Variants in EEA1 observed in about 807,000 individuals in gnomAD.
The protein encoded by EEA1 is early endosome antigen 1.
In EEA1, 111 loss-of-function variants were observed where a neutral mutation model predicts 209.2. The ratio of observed to expected loss-of-function variants is 0.53; its 90% CI spans 0.45 to 0.62. The LOEUF is 0.62. EEA1 is among the 20% of genes least tolerant of loss of function. EEA1 has a pLI of 0.00. For synonymous variants in EEA1, 536 were observed against 540.6 expected (o/e 0.99, Z 0.12); for missense variants, 1,343 against 1,530.8 (o/e 0.88, Z 2.05).
intron 13 of EEA1, among the ~76,000 whole-genome samples, chr12:92,823,499 C>A (rs184714339): frequency 2.0e-5 from 3 of 152,312 alleles, no homozygotes; most frequent in African/African-American, 7.2e-5. Flanking sequence ...CAGATTGTCA[C>A]TTTTAAAAAG....
intron 2 of EEA1, among the ~76,000 whole-genome samples, chr12:92,876,988 G>A (rs1878924623): frequency 6.7e-6 from 1 of 149,538 alleles, no homozygotes; most frequent in Non-Finnish European, 1.5e-5. Context: ...TTATCACCTA[G>A]ACTGGTGTGC....
chr12:92,848,530 T>G (rs753862430), intron 9 of EEA1, among the ~76,000 whole-genome samples: 2 of 152,024 alleles, frequency 1.3e-5, no homozygotes, highest in African/African-American at 2.4e-5. Context: ...AAATGACTTA[T>G]TCTCCTTAGA....
At chr12:92,797,028 A>G (rs914150374) in intron 21 of EEA1, among the ~76,000 whole-genome samples, 4 of 152,158 alleles carry the variant, frequency 2.6e-5, no homozygotes, top group African/African-American at 7.2e-5. Context: ...ACCTAATACA[A>G]TGTAAATGCT....
At chr12:92,925,341 A>G (rs1001420704) in intron 1 of EEA1, among the ~76,000 whole-genome samples, 1 of 152,170 alleles carries the variant, frequency 6.6e-6, no homozygotes, top group Non-Finnish European at 1.5e-5. Context: ...CAGTCTCCCA[A>G]GTAGTTGGGA....
intron 2 of EEA1, among the ~76,000 whole-genome samples, chr12:92,889,774 T>G (rs1410570298): frequency 1.3e-5 from 2 of 151,892 alleles, no homozygotes; most frequent in Non-Finnish European, 2.9e-5. Context: ...ATTAGCCAGG[T>G]GTGGTAGCAT....
chr12:92,799,357 T>G, intron 20 of EEA1, among the ~76,000 whole-genome samples: 1 of 152,240 alleles, frequency 6.6e-6, no homozygotes, highest in East Asian at 1.9e-4. Context: ...TATTATTTTT[T>G]TTAACACTAC....
chr12:92,802,268 A>C (rs1447019710), intron 19 of EEA1, 136 bp downstream of exon 19: 1 of 799,406 alleles, frequency 1.3e-6, no homozygotes, highest in Non-Finnish European at 1.8e-6. Flanking sequence ...AGCAATCCCA[A>C]TTAATTTCCT....
intron 2 of EEA1, among the ~76,000 whole-genome samples, chr12:92,866,598 T>A (rs957341962): frequency 2.0e-5 from 3 of 151,872 alleles, no homozygotes; most frequent in African/African-American, 7.3e-5. Flanking sequence ...CTCATTGACC[T>A]CCTCCTCTTC....
In EEA1 at chr12:92,907,565, C is replaced by G. The variant is rs144776245; in HGVS notation, c.25-15844G>C. ...CATCTCCTTGGCCACTACCTTAATT[C>G]ATGTTGCAATCATCTCTCACCTGGA... On this transcript the variant is annotated intron_variant, in intron 1 of 28. Transcript: ENST00000322349. 5.8e-3 allele frequency among the ~76,000 whole-genome samples: 886 copies of G among 152,262 alleles called. 7 individuals are homozygous for G. Among genetic ancestry groups the G allele is most frequent in the African/African-American group, 0.02 (836 of 41,558 alleles).
At chr12:92,910,159 A>ATGAAAT (rs2136775805) in intron 1 of EEA1, among the ~76,000 whole-genome samples, 1 of 23,298 alleles carries the variant, frequency 4.3e-5, no homozygotes, top group African/African-American at 1.2e-4. Flanking sequence ...AAATAAATTA[A>ATGAAAT]TTAAATTTTA....
At chr12:92,870,894 C>G (rs1441738790) in intron 2 of EEA1, among the ~76,000 whole-genome samples, 1 of 152,020 alleles carries the variant, frequency 6.6e-6, no homozygotes, top group Admixed American at 6.6e-5. Context: ...CCAGGCTGGT[C>G]TCAAACTCCT....
intron 2 of EEA1, chr12:92,884,748 C>CA: frequency 7.7e-7 from 1 of 1,303,420 alleles, no homozygotes; most frequent in Non-Finnish European, 1.1e-6. Context: ...AGAGAAGTGA[C>CA]AGGGAAGCTA....
chr12:92,853,979 C>T (rs761498520), intron 5 of EEA1, 25 bp from the exon 6 acceptor site: 29 of 1,540,310 alleles, frequency 1.9e-5, no homozygotes, highest in Non-Finnish European at 2.4e-5. Flanking sequence ...AAGACATAAA[C>T]AAATGAATTA....
chr12:92,835,529 A>G (rs1876889546), intron 10 of EEA1: 1 of 209,472 alleles, frequency 4.8e-6, no homozygotes, highest in Admixed American at 6.1e-5. Context: ...CTCTTGCCTC[A>G]GCCTCCCAAG....
intron 1 of EEA1, among the ~76,000 whole-genome samples, chr12:92,895,915 G>A (rs1026646546): frequency 6.6e-6 from 1 of 152,076 alleles, no homozygotes; most frequent in Non-Finnish European, 1.5e-5. Context: ...AACAGATACG[G>A]TGGAATCAGC....
At chr12:92,876,853 T>C (rs1005167638) in intron 2 of EEA1, among the ~76,000 whole-genome samples, 3 of 139,874 alleles carry the variant, frequency 2.1e-5, no homozygotes, top group East Asian at 2.0e-4. Flanking sequence ...AAAAGATAAA[T>C]AAACAACAAC....
intron 13 of EEA1, 62 bp downstream of exon 13, chr12:92,826,104 T>C: frequency 1.3e-6 from 2 of 1,537,906 alleles, no homozygotes; most frequent in South Asian, 2.4e-5. Context: ...TTTTTTCTCT[T>C]ATATTCTATG....
chr12:92,831,386 C>A (rs1447885924), intron 11 of EEA1, among the ~76,000 whole-genome samples: 1 of 150,750 alleles, frequency 6.6e-6, no homozygotes, highest in Non-Finnish European at 1.5e-5. Flanking sequence ...TTAACCTATA[C>A]AAAATATTTT....
At chr12:92,915,984 T>C (rs1446364533) in intron 1 of EEA1, among the ~76,000 whole-genome samples, 1 of 152,216 alleles carries the variant, frequency 6.6e-6, no homozygotes, top group Non-Finnish European at 1.5e-5. Context: ...TCAGAACTCA[T>C]TATAGATAAG....
Sources: allele counts gnomAD v4.1 joint callset (sites outside exome capture counted in the v4.1 genomes callset), GRCh38; gene constraint gnomAD v4.1.1; transcripts MANE v1.5; gene names NCBI Gene and HGNC (gene_info 2026-07-23, HGNC 2026-07-21).